The following LRP12 variants were observed in gnomAD, a reference collection of about 807,000 sequenced individuals.
LRP12 encodes the protein LDL receptor related protein 12, also known as low-density lipoprotein receptor-related protein 12.
A neutral mutation model predicts 66.0 loss-of-function variants in LRP12; 14 were observed. The observed-to-expected ratio is 0.21, with a 90% CI of 0.14 to 0.33. The LOEUF (loss-of-function observed/expected upper bound fraction) is 0.33, where lower values mean the gene tolerates loss of function less well. LRP12 is among the 10% of genes least tolerant of loss of function. The pLI is 1.00. For synonymous variants in LRP12, 357 were observed against 359.1 expected (o/e 0.99, Z 0.07); for missense variants, 889 against 1,053.4 (o/e 0.84, Z 2.16).
chr8:104,586,228 T>C (rs1420620390), intron 1 of LRP12, among the ~76,000 whole-genome samples: 1 of 152,192 alleles, frequency 6.6e-6, no homozygotes, highest in Non-Finnish European at 1.5e-5. Flanking sequence ...AAAAGTTAAT[T>C]TGGAAGTACA....
intron 3 of LRP12, chr8:104,505,568 A>G (rs529618634): frequency 6.6e-6 from 1 of 151,524 alleles, no homozygotes; most frequent in Admixed American, 6.6e-5. Flanking sequence ...ATGCCCAGCT[A>G]ATTTTTGTAT....
At chr8:104,556,732 G>C (rs183696314) in intron 1 of LRP12, among the ~76,000 whole-genome samples, 11 of 152,172 alleles carry the variant, frequency 7.2e-5, no homozygotes, top group Non-Finnish European at 1.0e-4. Context: ...TCCAAAGATA[G>C]AGAAAGAAGG....
At chr8:104,584,808 T>A (rs1812305248) in intron 1 of LRP12, among the ~76,000 whole-genome samples, 1 of 152,242 alleles carries the variant, frequency 6.6e-6, no homozygotes, top group Non-Finnish European at 1.5e-5. Context: ...TAATCAAACT[T>A]GACTTTGTAA....
intron 1 of LRP12, among the ~76,000 whole-genome samples, chr8:104,547,220 CTGTTA>C (rs1337397699): frequency 1.5e-5 from 2 of 134,934 alleles, no homozygotes; most frequent in Non-Finnish European, 3.1e-5. Flanking sequence ...ATATACAATT[CTGTTA>C]TATTTTGTAT....
rs571921104 is a variant in LRP12 at position 104,552,943 on chromosome 8, T to C, written c.80-20980A>G. On this transcript the variant is annotated intron_variant, in intron 1 of 6. Coordinates refer to ENST00000276654, the MANE Select transcript of LRP12 (RefSeq NM_013437.5). ...TGCCCAAAGTGTGAGGGGGGAACGT[T>C]TGCCCCTAAATGCACATCCTCACTG... Among the ~76,000 whole-genome samples, 11 of 152,280 alleles carry C rather than the reference T, an allele frequency of 7.2e-5. No homozygotes were observed. In the South Asian group the frequency reaches 1.7e-3, roughly 23 times the overall value.
chr8:104,533,625 A>G (rs1001310798), intron 1 of LRP12, among the ~76,000 whole-genome samples: 9 of 152,108 alleles, frequency 5.9e-5, no homozygotes, highest in African/African-American at 2.2e-4. Flanking sequence ...TTGTGATACT[A>G]ATGTTTCCAG....
chr8:104,580,845 T>G (rs1812239346), intron 1 of LRP12, among the ~76,000 whole-genome samples: 1 of 152,188 alleles, frequency 6.6e-6, no homozygotes. Context: ...GAAGTGTAAT[T>G]AGTTCAATCA....
chr8:104,551,771 C>T (rs1241978153), intron 1 of LRP12, among the ~76,000 whole-genome samples: 2 of 152,124 alleles, frequency 1.3e-5, no homozygotes, highest in Admixed American at 6.5e-5. Flanking sequence ...ATGTTGACTA[C>T]CTCAGGGCAA....
At chr8:104,564,586 A>G (rs1300103738) in intron 1 of LRP12, among the ~76,000 whole-genome samples, 1 of 151,990 alleles carries the variant, frequency 6.6e-6, no homozygotes, top group African/African-American at 2.4e-5. Context: ...GAAAGACACA[A>G]ATCAGCACCG....
At chr8:104,493,270 A>AT (rs1406066525) in intron 6 of LRP12, among the ~76,000 whole-genome samples, 2 of 152,142 alleles carry the variant, frequency 1.3e-5, no homozygotes, top group African/African-American at 2.4e-5. Context: ...ATCATTACTT[A>AT]TTTTTTCCAA....
At chr8:104,517,292 G>C (rs1811083858) in intron 2 of LRP12, among the ~76,000 whole-genome samples, 1 of 150,820 alleles carries the variant, frequency 6.6e-6, no homozygotes, top group Non-Finnish European at 1.5e-5. Flanking sequence ...AGAAACAAAG[G>C]CCGACCAAAA....
intron 1 of LRP12, among the ~76,000 whole-genome samples, chr8:104,554,480 A>T (rs914343397): frequency 6.6e-6 from 1 of 152,148 alleles, no homozygotes; most frequent in Admixed American, 6.5e-5. Flanking sequence ...GAAATGGAAA[A>T]TACATTGGAA....
intron 1 of LRP12, among the ~76,000 whole-genome samples, chr8:104,586,347 C>T (rs969416443): frequency 7.9e-5 from 12 of 152,234 alleles, no homozygotes; most frequent in South Asian, 2.1e-4. Context: ...TGAAGCACAC[C>T]TTAGAGTCAT....
chr8:104,568,314 T>A (rs1812034578), intron 1 of LRP12, among the ~76,000 whole-genome samples: 1 of 152,002 alleles, frequency 6.6e-6, no homozygotes, highest in African/African-American at 2.4e-5. Context: ...ATTATAAAAC[T>A]CTTAGGGGAA....
In LRP12 at chr8:104,556,359, G is replaced by A. The variant is rs767409594; in HGVS notation, c.80-24396C>T. ...ACAAAATATATATAAACAAAAAGCTGGTTCTTTGAAAAGATAAATAAAATT... is the reference window on the plus strand; with the variant it reads ...ACAAAATATATATAAACAAAAAGCTAGTTCTTTGAAAAGATAAATAAAATT... On this transcript the variant is annotated intron_variant, in intron 1 of 6. Coordinates refer to ENST00000276654, the MANE Select transcript of LRP12 (RefSeq NM_013437.5). 3.4e-4 allele frequency among the ~76,000 whole-genome samples: 51 copies of A among 152,038 alleles called. 1 individual carries two copies. The highest frequency in any genetic ancestry group is 6.0e-4 in the Non-Finnish European group (41 of 67,948).
chr8:104,574,604 GAC>G lies in LRP12; in HGVS notation c.79+14213_79+14214del, dbSNP rs562184669. Among the ~76,000 whole-genome samples, 589 of 152,240 alleles carry G rather than the reference GAC, an allele frequency of 3.9e-3. 4 individuals are homozygous for G. Among genetic ancestry groups the G allele is most frequent in the African/African-American group, 0.013 (544 of 41,544 alleles). On this transcript the variant is annotated intron_variant, in intron 1 of 6. Transcript: ENST00000276654. ...GACATGTTTACATACAGCTTTAATA[GAC>G]ACTGTTTTCCAAGTGGCTTTCAGCA...
At chr8:104,585,491 G>A (rs1319777421) in intron 1 of LRP12, among the ~76,000 whole-genome samples, 1 of 152,172 alleles carries the variant, frequency 6.6e-6, no homozygotes, top group Non-Finnish European at 1.5e-5. Context: ...CTCCCAAAGT[G>A]CTGGGATTAC....
chr8:104,580,366 A>AT (rs1448296923), intron 1 of LRP12, among the ~76,000 whole-genome samples: 9 of 151,170 alleles, frequency 6.0e-5, no homozygotes, highest in East Asian at 5.9e-4. Context: ...AATAAAAAAA[A>AT]AAAAAAAAAA....
At chr8:104,530,541 ATGT>A (rs1588493836) in intron 2 of LRP12, among the ~76,000 whole-genome samples, 1 of 152,194 alleles carries the variant, frequency 6.6e-6, no homozygotes, top group East Asian at 1.9e-4. Flanking sequence ...CAGCACTTTG[ATGT>A]TGGACTTTCA....
Sources: gnomAD v4.1 joint callset for allele counts (sites outside exome capture counted in the v4.1 genomes callset) on GRCh38, gnomAD v4.1.1 for gene constraint, MANE v1.5 for transcripts, NCBI Gene and HGNC (gene_info 2026-07-23, HGNC 2026-07-21) for gene names.